CACNA1D: variants seen among roughly 807,000 people sequenced by gnomAD.
CACNA1D encodes the protein calcium voltage-gated channel subunit alpha1 D, also known as voltage-dependent L-type calcium channel subunit alpha-1D.
CACNA1D carries 55 observed loss-of-function variants against 257.1 expected under a neutral mutation model. The ratio of observed to expected loss-of-function variants is 0.21; its 90% CI spans 0.17 to 0.27. The LOEUF is 0.27. Among genes scored for constraint, CACNA1D ranks in the 10% least tolerant of loss-of-function variants. The pLI is 1.00. For synonymous variants in CACNA1D, 980 were observed against 1,014.9 expected, an observed-to-expected ratio of 0.97 and a Z score of 0.65; for missense variants, 1,876 against 2,784.0, an observed-to-expected ratio of 0.67 and a Z score of 7.34.
At chr3:53,769,508 A>G (rs1416526294) in intron 30 of CACNA1D, among the ~76,000 whole-genome samples, 2 of 152,246 alleles carry the variant, frequency 1.3e-5, no homozygotes, top group Non-Finnish European at 2.9e-5. Flanking sequence ...TCATAGGAAC[A>G]GAGTGTGGTC....
chr3:53,689,854 A>G (rs1410759716), intron 8 of CACNA1D, among the ~76,000 whole-genome samples: 1 of 151,920 alleles, frequency 6.6e-6, no homozygotes, highest in Non-Finnish European at 1.5e-5. Flanking sequence ...TAGAAACAGG[A>G]TCTCTCTATG....
rs1187822875 is a variant in CACNA1D at position 53,575,721 on chromosome 3, A to G, written c.483+74001A>G. ...AGACATACACCAATTGGTTTAATGT[A>G]TTCGGGTAGATTTTCTACTAGTCGT... is the stretch of plus-strand genomic sequence containing the variant. On this transcript the variant is annotated intron_variant, in intron 3 of 47. Transcript: ENST00000350061. Among the ~76,000 whole-genome samples, 6 of 152,292 alleles carry G rather than the reference A, an allele frequency of 3.9e-5. No homozygotes were observed. In the East Asian group the frequency reaches 9.7e-4, roughly 24 times the overall value.
intron 4 of CACNA1D, among the ~76,000 whole-genome samples, chr3:53,652,203 A>G (rs1456297898): frequency 6.6e-6 from 1 of 152,134 alleles, no homozygotes; most frequent in Non-Finnish European, 1.5e-5. Context: ...CTCTTCTGCC[A>G]CTGGACTTTT....
rs10581353 is a variant in CACNA1D, at chr3:53,798,308, CGTGTGTGTGTGTGTGTGT to C, written c.4924-1939_4924-1922del. On this transcript the variant is annotated intron_variant, in intron 40 of 47. Coordinates refer to ENST00000350061, the MANE Select transcript of CACNA1D (RefSeq NM_001128840.3). Reference sequence around the variant, plus strand: ...GAGAGGGAAAGTGTGTGTATGTGTGCGTGTGTGTGTGTGTGTGTGCGTGTGTGTGCGTGTGTGTGTGCA... The same window carrying C: ...GAGAGGGAAAGTGTGTGTATGTGTGCGCGTGTGTGTGCGTGTGTGTGTGCA... 2.7e-5 allele frequency among the ~76,000 whole-genome samples: 4 copies of C among 148,762 alleles called. No individual in the cohort carries two copies. The East Asian group carries it at 6.3e-4, about 23-fold the overall frequency.
intron 3 of CACNA1D, among the ~76,000 whole-genome samples, chr3:53,541,355 C>T (rs1213762017): frequency 6.6e-6 from 1 of 152,114 alleles, no homozygotes; most frequent in East Asian, 1.9e-4. Flanking sequence ...AATATGATTA[C>T]AGTATTTTCA....
chr3:53,785,300 G>T (rs1484321197), intron 39 of CACNA1D, among the ~76,000 whole-genome samples: 1 of 152,074 alleles, frequency 6.6e-6, no homozygotes, highest in African/African-American at 2.4e-5. Context: ...TTATACCTGG[G>T]TGGCCCCTAC....
In CACNA1D at chr3:53,639,032, C is replaced by G. The variant is rs2093917839; in HGVS notation, c.484-11747C>G. On this transcript the variant is annotated intron_variant, in intron 3 of 47. Coordinates refer to ENST00000350061, the MANE Select transcript of CACNA1D (RefSeq NM_001128840.3). Reference sequence around the variant, plus strand: ...GTTTTCCCCACCAGGTGGGTGGAGCCAGGTCTCTTCAAACCAGAGGGCACA... The same window carrying G: ...GTTTTCCCCACCAGGTGGGTGGAGCGAGGTCTCTTCAAACCAGAGGGCACA... Among the ~76,000 whole-genome samples the G allele has an allele frequency of 2.6e-5, 4 of 152,330 alleles. No individual in the cohort carries two copies. The East Asian group carries it at 7.7e-4, about 29-fold the overall frequency.
At chr3:53,719,707 C>T (rs1449371502) in intron 10 of CACNA1D, 48 bp from the exon 11 acceptor site, 1 of 1,576,908 alleles carries the variant, frequency 6.3e-7, no homozygotes, top group Admixed American at 1.7e-5. Context: ...GGAGTGTGTG[C>T]TCAAGCCCTC....
intron 21 of CACNA1D, among the ~76,000 whole-genome samples, chr3:53,741,947 G>T (rs2680650): frequency 0.59 from 89,212 of 152,076 alleles, 27,009 homozygotes; most frequent in Non-Finnish European, 0.66. Flanking sequence ...TTTTAATTTC[G>T]GTAGAATTGC....
chr3:53,516,431 CCCTTT>C (rs1575728471), intron 3 of CACNA1D, among the ~76,000 whole-genome samples: 1 of 152,248 alleles, frequency 6.6e-6, no homozygotes, highest in Non-Finnish European at 1.5e-5. Context: ...CCCTTCCCTT[CCCTTT>C]CCTCAGCAAG....
chr3:53,746,622 A>C (rs2095171514), intron 25 of CACNA1D, among the ~76,000 whole-genome samples: 1 of 152,138 alleles, frequency 6.6e-6, no homozygotes, highest in Non-Finnish European at 1.5e-5. Flanking sequence ...CACCAATTGC[A>C]ATTTGGCTGT....
intron 3 of CACNA1D, among the ~76,000 whole-genome samples, chr3:53,571,909 G>C (rs2092952326): frequency 6.6e-6 from 1 of 152,076 alleles, no homozygotes; most frequent in Non-Finnish European, 1.5e-5. Context: ...CCTCTCTAAA[G>C]GAACAGGTGG....
chr3:53,703,036 T>C (rs1432547181), intron 9 of CACNA1D, among the ~76,000 whole-genome samples: 2 of 152,200 alleles, frequency 1.3e-5, no homozygotes, highest in African/African-American at 4.8e-5. Context: ...GTAAGGTGGC[T>C]TTATAGCCAA....
At chr3:53,563,533 CAAAAAAAA>C (rs34553768) in intron 3 of CACNA1D, among the ~76,000 whole-genome samples, 1 of 95,560 alleles carries the variant, frequency 1.0e-5, no homozygotes, top group Admixed American at 1.1e-4. Context: ...GACTCTGTCT[CAAAAAAAA>C]AAAAAAAAAA....
At chr3:53,805,455 T>A (rs946041681) in intron 45 of CACNA1D, among the ~76,000 whole-genome samples, 3 of 152,218 alleles carry the variant, frequency 2.0e-5, no homozygotes. Context: ...TCTTTGAACC[T>A]GGGACCATCC....
intron 3 of CACNA1D, among the ~76,000 whole-genome samples, chr3:53,572,020 A>G (rs1430086346): frequency 6.6e-6 from 1 of 152,212 alleles, no homozygotes; most frequent in African/African-American, 2.4e-5. Context: ...CACTCTGTCC[A>G]TGGACTGATT....
At chr3:53,755,029 C>CCATATCTA (rs1166844461) in intron 29 of CACNA1D, among the ~76,000 whole-genome samples, 4 of 152,202 alleles carry the variant, frequency 2.6e-5, no homozygotes, top group African/African-American at 9.7e-5. Flanking sequence ...TGTGACTTGT[C>CCATATCTA]CATATCTACA....
At chr3:53,683,431 A>G (rs1197896546) in intron 8 of CACNA1D, among the ~76,000 whole-genome samples, 1 of 152,202 alleles carries the variant, frequency 6.6e-6, no homozygotes, top group Non-Finnish European at 1.5e-5. Flanking sequence ...GATCAGGGAA[A>G]TGGCCAATAA....
chr3:53,497,739 A>G (rs2090413934), intron 2 of CACNA1D, among the ~76,000 whole-genome samples: 1 of 152,188 alleles, frequency 6.6e-6, no homozygotes, highest in African/African-American at 2.4e-5. Flanking sequence ...GATAATTAAA[A>G]TGTGAAACCA....
Sources: allele counts gnomAD v4.1 joint callset (sites outside exome capture counted in the v4.1 genomes callset), GRCh38; gene constraint gnomAD v4.1.1; transcripts MANE v1.5; gene names NCBI Gene and HGNC (gene_info 2026-07-23, HGNC 2026-07-21).